The following GALNTL6 variants were observed in gnomAD, a reference collection of about 807,000 sequenced individuals.
GALNTL6 encodes the protein polypeptide N-acetylgalactosaminyltransferase-like 6.
GALNTL6 carries 46 observed loss-of-function variants against 73.7 expected under a neutral mutation model. The ratio of observed to expected loss-of-function variants is 0.62; its 90% confidence interval spans 0.49 to 0.80. The LOEUF is 0.80. Among genes scored for constraint, GALNTL6 ranks in the 30% least tolerant of loss-of-function variants. GALNTL6 has a pLI of 0.00. For synonymous variants in GALNTL6, 259 were observed against 263.7 expected (o/e 0.98, Z 0.17); for missense variants, 604 against 755.0 (o/e 0.80, Z 2.34).
intron 2 of GALNTL6, among the ~76,000 whole-genome samples, chr4:172,147,606 G>A (rs1048376214): frequency 3.3e-5 from 5 of 152,030 alleles, no homozygotes; most frequent in African/African-American, 1.2e-4. Context: ...AACATTTTGT[G>A]GTTTCTAGAA....
At chr4:172,267,633 A>G (rs1738493533) in intron 3 of GALNTL6, among the ~76,000 whole-genome samples, 1 of 152,130 alleles carries the variant, frequency 6.6e-6, no homozygotes, top group Non-Finnish European at 1.5e-5. Flanking sequence ...AAATGAAAAA[A>G]AATTTCTAAT....
At chr4:172,982,899 C>T (rs1751131406) in intron 10 of GALNTL6, among the ~76,000 whole-genome samples, 1 of 152,006 alleles carries the variant, frequency 6.6e-6, no homozygotes, top group Admixed American at 6.5e-5. Flanking sequence ...TCAACTATCA[C>T]ATGTTCTCAC....
intron 2 of GALNTL6, among the ~76,000 whole-genome samples, chr4:171,904,755 T>G (rs1230244527): frequency 1.3e-5 from 2 of 152,246 alleles, no homozygotes; most frequent in East Asian, 3.9e-4. Context: ...AAAGGTCGGG[T>G]TACCCTCAAA....
At position 172,457,629 on chromosome 4, in the gene GALNTL6, T is replaced by C. The variant is rs540717627; in HGVS notation, c.553+108940T>C. On this transcript the variant is annotated intron_variant, in intron 5 of 12. Coordinates refer to ENST00000506823, the MANE Select transcript of GALNTL6 (RefSeq NM_001034845.3). ...AAGAGACAAGGGCATTATATCATTG[T>C]AAAGGGATCAATGCAACAAGAAGAG... Among the ~76,000 whole-genome samples the C allele has an allele frequency of 4.6e-5, 7 of 152,234 alleles. No individual in the cohort carries two copies. In the South Asian group the frequency reaches 1.5e-3, roughly 32 times the overall value.
At chr4:172,733,650 G>T (rs1256973689) in intron 5 of GALNTL6, among the ~76,000 whole-genome samples, 1 of 152,122 alleles carries the variant, frequency 6.6e-6, no homozygotes, top group African/African-American at 2.4e-5. Flanking sequence ...TTTTATAAAG[G>T]GCAGTTCCCC....
At position 172,407,122 on chromosome 4, in the gene GALNTL6, T is replaced by C. The variant is rs139826401; in HGVS notation, c.553+58433T>C. 3.4e-3 allele frequency among the ~76,000 whole-genome samples: 525 copies of C among 152,226 alleles called. 10 individuals are homozygous for C. Among genetic ancestry groups the C allele is most frequent in the Non-Finnish European group, 4.4e-3 (301 of 67,962 alleles). On this transcript the variant is annotated intron_variant, in intron 5 of 12. Transcript: ENST00000506823. ...ATCTTTCAGGATCATCCAAAATGCA[T>C]ATAATCTAATTCTGCTTTTTATATT... is the stretch of plus-strand genomic sequence containing the variant.
At chr4:172,913,532 T>C (rs1381275402) in intron 8 of GALNTL6, among the ~76,000 whole-genome samples, 2 of 152,040 alleles carry the variant, frequency 1.3e-5, no homozygotes, top group East Asian at 3.9e-4. Flanking sequence ...ATAAACAGCA[T>C]AGAGAAGACC....
At chr4:171,872,513 A>G (rs1451190128) in intron 2 of GALNTL6, among the ~76,000 whole-genome samples, 2 of 152,222 alleles carry the variant, frequency 1.3e-5, no homozygotes, top group Non-Finnish European at 2.9e-5. Flanking sequence ...GCCATAACAA[A>G]GTAACACAAA....
intron 2 of GALNTL6, among the ~76,000 whole-genome samples, chr4:171,821,823 C>A (rs1237555104): frequency 6.6e-6 from 1 of 151,956 alleles, no homozygotes; most frequent in Non-Finnish European, 1.5e-5. Flanking sequence ...GTAGGGAGGA[C>A]TGTTGAATAA....
chr4:171,971,247 C>T (rs1381806612), intron 2 of GALNTL6, among the ~76,000 whole-genome samples: 3 of 152,206 alleles, frequency 2.0e-5, no homozygotes, highest in Non-Finnish European at 4.4e-5. Context: ...ACTCCCAACC[C>T]TATTTCTAGG....
At chr4:172,454,479 G>C (rs1160354432) in intron 5 of GALNTL6, among the ~76,000 whole-genome samples, 1 of 152,206 alleles carries the variant, frequency 6.6e-6, no homozygotes, top group Admixed American at 6.5e-5. Flanking sequence ...GAGGTACATA[G>C]ATGTTTTGAC....
chr4:171,837,624 G>A (rs1735128873), intron 2 of GALNTL6, among the ~76,000 whole-genome samples: 1 of 145,614 alleles, frequency 6.9e-6, no homozygotes, highest in African/African-American at 2.5e-5. Flanking sequence ...GATATATAAT[G>A]TATATATTTA....
At chr4:172,807,706 C>A (rs1741046090) in intron 5 of GALNTL6, among the ~76,000 whole-genome samples, 1 of 152,206 alleles carries the variant, frequency 6.6e-6, no homozygotes, top group Non-Finnish European at 1.5e-5. Context: ...AAAGAGTTTG[C>A]TTTTCATAGT....
intron 2 of GALNTL6, among the ~76,000 whole-genome samples, chr4:171,853,637 G>A (rs1156807350): frequency 5.9e-5 from 5 of 84,114 alleles, no homozygotes; most frequent in Admixed American, 4.1e-4. Context: ...TTGAGACAGA[G>A]TCTTGCTCTG....
chr4:171,915,057 C>T (rs925128349), intron 2 of GALNTL6, among the ~76,000 whole-genome samples: 1 of 151,998 alleles, frequency 6.6e-6, no homozygotes, highest in African/African-American at 2.4e-5. Context: ...GATATCGATA[C>T]AGATTTTTAA....
intron 5 of GALNTL6, among the ~76,000 whole-genome samples, chr4:172,608,589 A>G (rs981883179): frequency 1.3e-5 from 2 of 151,866 alleles, no homozygotes; most frequent in Admixed American, 1.3e-4. Flanking sequence ...TTTCTTTTTG[A>G]TTAAGATTGC....
intron 5 of GALNTL6, among the ~76,000 whole-genome samples, chr4:172,723,077 C>CA (rs2111363843): frequency 6.6e-6 from 1 of 152,234 alleles, no homozygotes; most frequent in South Asian, 2.1e-4. Flanking sequence ...TCATGTATAT[C>CA]AGCCTCCATT....
At chr4:172,527,600 G>A (rs967412184) in intron 5 of GALNTL6, among the ~76,000 whole-genome samples, 1 of 152,090 alleles carries the variant, frequency 6.6e-6, no homozygotes, top group Non-Finnish European at 1.5e-5. Flanking sequence ...ATACCACTTT[G>A]CATATAACCA....
intron 2 of GALNTL6, among the ~76,000 whole-genome samples, chr4:171,832,625 C>T (rs1560805790): frequency 6.6e-6 from 1 of 151,386 alleles, no homozygotes; most frequent in African/African-American, 2.4e-5. Flanking sequence ...ATAAAATAAA[C>T]TTATCATTTC....
Sources: gnomAD v4.1 joint callset for allele counts (sites outside exome capture counted in the v4.1 genomes callset) on GRCh38, gnomAD v4.1.1 for gene constraint, MANE v1.5 for transcripts, NCBI Gene and HGNC (gene_info 2026-07-23, HGNC 2026-07-21) for gene names.